Variants in AXIN1 observed in about 807,000 individuals in gnomAD.
AXIN1 encodes axin 1, also known as axin-1.
In AXIN1, 30 loss-of-function variants were observed where a neutral mutation model predicts 76.4. That is an observed-to-expected ratio of 0.39 (90% CI 0.29 to 0.53). The LOEUF (loss-of-function observed/expected upper bound fraction) is 0.53. Ranked by LOEUF, AXIN1 falls within the 20% of genes least tolerant of loss-of-function variation. The pLI is 0.66. For missense variants in AXIN1, 1,140 were observed against 1,198.8 expected, an observed-to-expected ratio of 0.95 and a Z score of 0.72; for synonymous variants, 545 against 501.4, an observed-to-expected ratio of 1.09 and a Z score of -1.16.
chr16:299,939 G>C (rs1262145498), intron 5 of AXIN1, among the ~76,000 whole-genome samples: 1 of 151,948 alleles, frequency 6.6e-6, no homozygotes, highest in Non-Finnish European at 1.5e-5. Context: ...ACAAGTGTGA[G>C]CCACCGTGCC....
intron 2 of AXIN1, among the ~76,000 whole-genome samples, chr16:323,714 G>A (rs1280512942): frequency 2.0e-5 from 3 of 151,890 alleles, no homozygotes; most frequent in African/African-American, 7.3e-5. Context: ...CCGGGAGGCG[G>A]AGCTTGCAGT....
At chr16:346,043 G>T in intron 2 of AXIN1, 105 bp downstream of exon 2, 4 of 1,113,600 alleles carry the variant, frequency 3.6e-6, no homozygotes, top group Non-Finnish European at 5.3e-6. Context: ...GCGGCAGCAG[G>T]ACATCCGGTG....
At chr16:321,115 A>G (rs1427672460) in intron 2 of AXIN1, among the ~76,000 whole-genome samples, 3 of 152,156 alleles carry the variant, frequency 2.0e-5, no homozygotes, top group African/African-American at 7.2e-5. Context: ...GGCTGGAGGT[A>G]GATCTGGCCC....
At position 314,585 on chromosome 16, in the gene AXIN1, A is replaced by T. The variant is rs1171767792; in HGVS notation, c.977T>A (p.Leu326Gln). The T allele has an allele frequency of 3.1e-6, 5 of 1,613,978 alleles. No individual in the cohort carries two copies. Among genetic ancestry groups the T allele is most frequent in the African/African-American group, 1.3e-5 (1 of 75,056 alleles). The stretch of plus-strand genomic sequence containing the variant: ...GGACAGGGTGTCTGCATCGCTGGAC[A>T]GGCTCTGCTGCTCGCTGTCGTTGGC... ...TSANDSEQQS[L>Q]SSDADTLSLT... Residue 326 changes from leucine to glutamine, a missense_variant, in exon 3 of 11, where the codon CTG becomes CAG. Leu to Gln is a moderately radical substitution (Grantham distance 113, BLOSUM62 -2). Coordinates refer to ENST00000262320, the MANE Select transcript of AXIN1 (RefSeq NM_003502.4).
At chr16:325,264 A>C (rs1338671435) in intron 2 of AXIN1, among the ~76,000 whole-genome samples, 1 of 151,998 alleles carries the variant, frequency 6.6e-6, no homozygotes, top group Non-Finnish European at 1.5e-5. Flanking sequence ...GGCCTTTTCT[A>C]GAATTCTGTA....
At chr16:347,157 C>G in intron 1 of AXIN1, 51 bp from the exon 2 acceptor site, 1 of 1,521,778 alleles carries the variant, frequency 6.6e-7, no homozygotes, top group Non-Finnish European at 8.9e-7. Flanking sequence ...GTCCATGAAA[C>G]ACGACCAGAG....
At chr16:306,758 A>G (rs1259523926) in intron 4 of AXIN1, among the ~76,000 whole-genome samples, 1 of 152,214 alleles carries the variant, frequency 6.6e-6, no homozygotes, top group East Asian at 1.9e-4. Flanking sequence ...GATGCCTCAG[A>G]GCTGGGAAAA....
At chr16:317,302 T>C (rs1339450967) in intron 2 of AXIN1, among the ~76,000 whole-genome samples, 5 of 152,180 alleles carry the variant, frequency 3.3e-5, no homozygotes, top group Admixed American at 1.3e-4. Context: ...CCATTTCCCC[T>C]GGGGCTGTGG....
intron 1 of AXIN1, among the ~76,000 whole-genome samples, chr16:352,168 C>T (rs1029664604): frequency 2.0e-5 from 3 of 151,832 alleles, no homozygotes; most frequent in African/African-American, 7.2e-5. Flanking sequence ...CTCCGTGCCC[C>T]GAGACGCGCC....
chr16:315,336 C>G (rs1005654704), intron 2 of AXIN1, among the ~76,000 whole-genome samples: 1 of 152,316 alleles, frequency 6.6e-6, no homozygotes, highest in Non-Finnish European at 1.5e-5. Flanking sequence ...ATTTAAACTT[C>G]TTCCTCTTTA....
intron 2 of AXIN1, among the ~76,000 whole-genome samples, chr16:345,013 C>T (rs1460669625): frequency 1.3e-5 from 2 of 152,196 alleles, no homozygotes; most frequent in African/African-American, 4.8e-5. Context: ...CAAAGTTACA[C>T]AGGCCGGAGC....
chr16:318,077 GTGTC>G (rs1199499166), intron 2 of AXIN1, among the ~76,000 whole-genome samples: 1 of 151,004 alleles, frequency 6.6e-6, no homozygotes, highest in Non-Finnish European at 1.5e-5. Context: ...GGCACATGGC[GTGTC>G]TGTCTTGGCA....
intron 2 of AXIN1, among the ~76,000 whole-genome samples, chr16:324,216 AC>A (rs2053528987): frequency 6.6e-6 from 1 of 152,226 alleles, no homozygotes; most frequent in African/African-American, 2.4e-5. Context: ...CTTCCGGGCC[AC>A]ATTACGGGTC....
chr16:352,471 G>C lies in AXIN1; in HGVS notation c.-184C>G. 2.1e-6 allele frequency: 2 copies of C among 962,248 alleles called. No individual in the cohort carries two copies. The highest frequency in any genetic ancestry group is 2.5e-6 in the Non-Finnish European group (2 of 811,940). The allele number at this position is 962,248 out of a possible 1,614,324, so 59.6% of individuals were successfully genotyped here. ...CAGCGCGGCGGGCGGGACCCGGCGG[G>C]GGCGCGGCCCGGGGCGGCCCCCATC... On this transcript the variant is annotated 5_prime_UTR_variant, in exon 1 of 11. Transcript: ENST00000262320.
intron 3 of AXIN1, among the ~76,000 whole-genome samples, chr16:312,140 G>A (rs2053197853): frequency 6.6e-6 from 1 of 152,150 alleles, no homozygotes; most frequent in Non-Finnish European, 1.5e-5. Context: ...AGGCCTCCGT[G>A]GATTAGACAC....
At chr16:292,170 G>C (rs2052579662) in intron 8 of AXIN1, 1 of 152,490 alleles carries the variant, frequency 6.6e-6, no homozygotes, top group Non-Finnish European at 1.5e-5. Flanking sequence ...CAGGGCCTCG[G>C]ACCTGCTGCA....
At position 327,858 on chromosome 16, in the gene AXIN1, A is replaced by G. The variant is rs145313504; in HGVS notation, c.879-13175T>C. 4.8e-3 allele frequency among the ~76,000 whole-genome samples: 730 copies of G among 152,366 alleles called. 6 individuals are homozygous for G. The highest frequency in any genetic ancestry group is 0.017 in the African/African-American group (695 of 41,584). On this transcript the variant is annotated intron_variant, in intron 2 of 10. Coordinates refer to ENST00000262320, the MANE Select transcript of AXIN1 (RefSeq NM_003502.4). ...AAGCCCTCACTACAGCCTAGCAACC[A>G]AAGTGTCCTGCACATTAGTTAGGGG...
At chr16:315,222 G>A (rs144668666) in intron 2 of AXIN1, among the ~76,000 whole-genome samples, 3 of 152,212 alleles carry the variant, frequency 2.0e-5, no homozygotes, top group South Asian at 2.1e-4. Context: ...CTCCTGGGAC[G>A]ATTCACCTCC....
At chr16:305,100 G>C (rs367710656) in intron 4 of AXIN1, among the ~76,000 whole-genome samples, 149 of 152,342 alleles carry the variant, frequency 9.8e-4, no homozygotes, top group African/African-American at 3.4e-3. Flanking sequence ...GAAGGCCCCC[G>C]AGGCCCCACG....
Sources: allele counts gnomAD v4.1 joint callset (sites outside exome capture counted in the v4.1 genomes callset), GRCh38; gene constraint gnomAD v4.1.1; transcripts MANE v1.5; gene names NCBI Gene and HGNC (gene_info 2026-07-23, HGNC 2026-07-21).